The following ZNF892 variants were observed in gnomAD, a reference collection of about 807,000 sequenced individuals.
ZNF892 encodes the protein zinc finger protein 892.
At chr2:95,239,568 T>G in the ZNF892 span, among the ~76,000 whole-genome samples, 1 of 152,048 alleles carries the variant, frequency 6.6e-6, no homozygotes. Flanking sequence ...CCATCATCAT[T>G]GAGGCAAGAC....
At chr2:95,220,012 C>G in the ZNF892 span, among the ~76,000 whole-genome samples, 15 of 152,160 alleles carry the variant, frequency 9.9e-5, no homozygotes, top group South Asian at 2.1e-4. Context: ...CCTGACCCCC[C>G]ACTTGGCTTC....
At chr2:95,229,865 G>A in the ZNF892 span, among the ~76,000 whole-genome samples, 4 of 152,050 alleles carry the variant, frequency 2.6e-5, no homozygotes, top group African/African-American at 9.7e-5. Context: ...AATGTCAAAT[G>A]GTTTTGACTT....
chr2:95,260,974 G>T, the ZNF892 span, among the ~76,000 whole-genome samples: 2 of 152,192 alleles, frequency 1.3e-5, no homozygotes. Context: ...CTCTTAGTGT[G>T]CAGTGTCCTC....
At chr2:95,222,218 A>T in the ZNF892 span, among the ~76,000 whole-genome samples, 7 of 152,220 alleles carry the variant, frequency 4.6e-5, no homozygotes, top group African/African-American at 1.7e-4. Flanking sequence ...CATGTTAGGT[A>T]CCACAATATT....
the ZNF892 span, among the ~76,000 whole-genome samples, chr2:95,249,231 ATTTTTTTTT>A: frequency 5.3e-5 from 3 of 57,110 alleles, no homozygotes; most frequent in East Asian, 1.0e-3. Flanking sequence ...ATATATATAT[ATTTTTTTTT>A]TTTTTTTTTT....
the ZNF892 span, among the ~76,000 whole-genome samples, chr2:95,238,103 A>G: frequency 1.3e-5 from 2 of 152,268 alleles, no homozygotes; most frequent in African/African-American, 2.4e-5. Context: ...ACGCAACAAC[A>G]GATTTGCAAT....
At chr2:95,250,346 C>G in the ZNF892 span, among the ~76,000 whole-genome samples, 1 of 151,820 alleles carries the variant, frequency 6.6e-6, no homozygotes, top group East Asian at 1.9e-4. Flanking sequence ...ACTCTCAAGA[C>G]ACGCCTGATT....
At chr2:95,250,868 AAAT>A in the ZNF892 span, among the ~76,000 whole-genome samples, 1 of 146,990 alleles carries the variant, frequency 6.8e-6, no homozygotes, top group Non-Finnish European at 1.5e-5. Context: ...CTTAAATAAT[AAAT>A]AAATATTACA....
the ZNF892 span, among the ~76,000 whole-genome samples, chr2:95,223,715 A>G: frequency 6.6e-6 from 1 of 152,198 alleles, no homozygotes; most frequent in African/African-American, 2.4e-5. Context: ...ACTTATTGAG[A>G]TATAATTTAT....
At chr2:95,235,456 G>T in the ZNF892 span, among the ~76,000 whole-genome samples, 1 of 151,762 alleles carries the variant, frequency 6.6e-6, no homozygotes, top group African/African-American at 2.4e-5. Context: ...CCACCTCTCG[G>T]GCTTACGCCA....
the ZNF892 span, chr2:95,259,915 A>G: frequency 6.6e-6 from 1 of 152,340 alleles, no homozygotes; most frequent in South Asian, 2.1e-4. Flanking sequence ...ACCTGAAGCA[A>G]AGGCTATTAT....
At chr2:95,240,034 T>C in the ZNF892 span, among the ~76,000 whole-genome samples, 1 of 152,178 alleles carries the variant, frequency 6.6e-6, no homozygotes, top group South Asian at 2.1e-4. Context: ...AGTAGTCTAG[T>C]AGATCTACTT....
the ZNF892 span, among the ~76,000 whole-genome samples, chr2:95,226,460 TTC>T: frequency 6.6e-6 from 1 of 152,214 alleles, no homozygotes; most frequent in Non-Finnish European, 1.5e-5. Flanking sequence ...GCTGTTATTT[TTC>T]TCTCATCTCT....
At chr2:95,207,181 C>G in the ZNF892 span, among the ~76,000 whole-genome samples, 2 of 152,252 alleles carry the variant, frequency 1.3e-5, no homozygotes, top group African/African-American at 4.8e-5. Flanking sequence ...AGCGAGGACA[C>G]CGCCGGGCGC....
At chr2:95,231,787 G>A in the ZNF892 span, among the ~76,000 whole-genome samples, 1 of 152,066 alleles carries the variant, frequency 6.6e-6, no homozygotes, top group Admixed American at 6.5e-5. Flanking sequence ...TTTGCTTCAA[G>A]AACTTCCCTG....
chr2:95,253,708 G>A, the ZNF892 span, among the ~76,000 whole-genome samples: 1 of 152,040 alleles, frequency 6.6e-6, no homozygotes, highest in East Asian at 1.9e-4. Flanking sequence ...GATTCTTCCT[G>A]CCCATGAACA....
chr2:95,240,374 A>T, the ZNF892 span, among the ~76,000 whole-genome samples: 1 of 152,342 alleles, frequency 6.6e-6, no homozygotes, highest in East Asian at 1.9e-4. Context: ...CCCCACCCCC[A>T]GCCAAGGGAA....
the ZNF892 span, chr2:95,212,185 A>G: frequency 1.0e-5 from 4 of 398,370 alleles, no homozygotes; most frequent in East Asian, 1.1e-4. Context: ...TTCTTTCCCT[A>G]TGAATAGGGC....
the ZNF892 span, among the ~76,000 whole-genome samples, chr2:95,231,427 T>C: frequency 1.3e-5 from 2 of 152,226 alleles, no homozygotes; most frequent in South Asian, 4.1e-4. Context: ...ACAAACTTTC[T>C]AGGGCGATGA....
Sources: allele counts gnomAD v4.1 joint callset (sites outside exome capture counted in the v4.1 genomes callset), GRCh38; gene constraint gnomAD v4.1.1; transcripts MANE v1.5; gene names NCBI Gene and HGNC (gene_info 2026-07-23, HGNC 2026-07-21).